Variants in HACD3 observed in about 807,000 individuals in gnomAD.
The protein encoded by HACD3 is 3-hydroxyacyl-CoA dehydratase 3, also known as very-long-chain (3R)-3-hydroxyacyl-CoA dehydratase 3.
A neutral mutation model predicts 55.2 loss-of-function variants in HACD3; 30 were observed. That is an observed-to-expected ratio of 0.54 (90% CI 0.41 to 0.74). The LOEUF (loss-of-function observed/expected upper bound fraction) is 0.74, where lower values mean the gene tolerates loss of function less well. Among genes scored for constraint, HACD3 ranks in the 30% least tolerant of loss-of-function variants. The pLI, the probability that HACD3 is intolerant of heterozygous loss-of-function variation, is 0.00. For synonymous variants in HACD3, 141 were observed against 151.7 expected (o/e 0.93, Z 0.52); for missense variants, 363 against 440.1 (o/e 0.82, Z 1.57).
intron 1 of HACD3, chr15:65,551,052 G>C (rs1399920545): frequency 6.6e-6 from 1 of 152,226 alleles, no homozygotes; most frequent in East Asian, 1.9e-4. Flanking sequence ...TAGAGACACA[G>C]GCACAGCGTG....
chr15:65,552,658 G>T (rs1410282823), intron 2 of HACD3, among the ~76,000 whole-genome samples: 14 of 148,184 alleles, frequency 9.4e-5, no homozygotes, highest in African/African-American at 2.7e-4. Context: ...TTTTGTTTTT[G>T]TTTTTTTTAA....
Position 65,556,881 on chromosome 15 carries a change from C to G in HACD3, c.347C>G (p.Ala116Gly), listed in dbSNP as rs755867233. The change falls in exon 4 of 11, where the codon GCG (alanine) becomes GGG (glycine). Residue 116 changes from alanine (A) to glycine (G), a missense_variant. By Grantham distance (60) the Ala-to-Gly change is moderately conservative. Coordinates refer to ENST00000261875, the MANE Select transcript of HACD3 (RefSeq NM_016395.4). ...GATCGTTGGCTGGATGAATCTGATG[C>G]GGAAATGGAGCTCAGAGCTAAGGTT... ...DFDRWLDESD[A>G]EMELRAKEEE... 2 of 1,612,434 alleles carry G rather than the reference C, an allele frequency of 1.2e-6. No individual in the cohort carries two copies. The highest frequency in any genetic ancestry group is 3.3e-5 in the Admixed American group (2 of 59,878).
chr15:65,576,025 C>T (rs1344672467), intron 10 of HACD3, among the ~76,000 whole-genome samples: 3 of 152,254 alleles, frequency 2.0e-5, no homozygotes, highest in East Asian at 1.9e-4. Flanking sequence ...ACCCAGGAGG[C>T]GGAGGTTGCA....
intron 4 of HACD3, among the ~76,000 whole-genome samples, 160 bp from the exon 5 acceptor site, chr15:65,558,520 C>T (rs1057328524): frequency 2.0e-5 from 3 of 152,128 alleles, no homozygotes; most frequent in African/African-American, 4.8e-5. Flanking sequence ...AGGAGTCAGG[C>T]GTTTGGCCCT....
intron 1 of HACD3, among the ~76,000 whole-genome samples, chr15:65,539,643 G>C (rs1213569850): frequency 6.6e-6 from 1 of 152,104 alleles, no homozygotes; most frequent in Non-Finnish European, 1.5e-5. Context: ...GCTTTTTAGA[G>C]AAGCTCTTAC....
At chr15:65,542,768 A>G (rs2072033450) in intron 1 of HACD3, among the ~76,000 whole-genome samples, 1 of 152,092 alleles carries the variant, frequency 6.6e-6, no homozygotes, top group African/African-American at 2.4e-5. Context: ...TACATATTCA[A>G]AGATAAAATT....
At chr15:65,533,352 T>G (rs866117687) in intron 1 of HACD3, among the ~76,000 whole-genome samples, 6 of 152,262 alleles carry the variant, frequency 3.9e-5, no homozygotes, top group Middle Eastern at 3.4e-3. Context: ...TATGGGAGTT[T>G]CGTGGTTGGG....
chr15:65,566,833 A>AT (rs773227471), intron 7 of HACD3: 1 of 152,160 alleles, frequency 6.6e-6, no homozygotes, highest in Non-Finnish European at 1.5e-5. Context: ...GGTCTTTTTC[A>AT]TTTTTTATAA....
chr15:65,537,160 C>T (rs996054697), intron 1 of HACD3, among the ~76,000 whole-genome samples: 2 of 152,134 alleles, frequency 1.3e-5, no homozygotes, highest in African/African-American at 4.8e-5. Flanking sequence ...TTGAAGCTAG[C>T]AGAAGTTGAT....
At position 65,570,266 on chromosome 15, in the gene HACD3, G is replaced by C. The variant is rs1047062937; in HGVS notation, c.773+63G>C. 8 of 1,205,824 alleles carry C rather than the reference G, an allele frequency of 6.6e-6. No homozygotes were observed. The African/African-American group carries it at 1.2e-4, about 18-fold the overall frequency. 74.7% of individuals were successfully genotyped at this position (1,205,824 alleles called of 1,614,324 possible). On this transcript the variant is annotated intron_variant, in intron 8 of 10. Coordinates refer to ENST00000261875, the MANE Select transcript of HACD3 (RefSeq NM_016395.4). ...CCCTGTTTGCAGCAGCTCTGTTCTT[G>C]AGGGAGTTGTTATCTTAGCCAGAGT...
At chr15:65,541,843 A>G (rs1267384253) in intron 1 of HACD3, among the ~76,000 whole-genome samples, 1 of 152,210 alleles carries the variant, frequency 6.6e-6, no homozygotes, top group African/African-American at 2.4e-5. Context: ...GGTCTTTATG[A>G]GCTGATAAGG....
chr15:65,578,340 A>ACAAT lies in HACD3; in HGVS notation c.*1965_*1968dup, dbSNP rs777450373. ...ATTGTGTATTTCTATTAAAACATTTACAATCAAAATTCTAATGACTGTGCT... is the reference window on the plus strand; with the variant it reads ...ATTGTGTATTTCTATTAAAACATTTACAATCAATCAAAATTCTAATGACTGTGCT... On this transcript the variant is annotated 3_prime_UTR_variant, in exon 11 of 11. Transcript: ENST00000261875. 2 of 152,226 alleles carry ACAAT rather than the reference A, an allele frequency of 1.3e-5. No homozygotes were observed. Among genetic ancestry groups the ACAAT allele is most frequent in the East Asian group, 1.9e-4 (1 of 5,198 alleles). The allele number at this position is 152,226 out of a possible 1,614,324, so 9.4% of individuals were successfully genotyped here.
intron 3 of HACD3, 87 bp from the exon 4 acceptor site, chr15:65,556,652 C>T (rs2072193361): frequency 7.6e-7 from 1 of 1,314,902 alleles, no homozygotes; most frequent in South Asian, 1.5e-5. Flanking sequence ...TAAATATATC[C>T]TGCAGCTTCT....
intron 5 of HACD3, among the ~76,000 whole-genome samples, chr15:65,561,206 C>T (rs1360652282): frequency 6.6e-6 from 1 of 152,096 alleles, no homozygotes; most frequent in African/African-American, 2.4e-5. Context: ...GTGGCTCATG[C>T]CTGTAATCCC....
chr15:65,531,364 A>T (rs1202177541), intron 1 of HACD3: 1 of 152,256 alleles, frequency 6.6e-6, no homozygotes, highest in East Asian at 1.9e-4. Flanking sequence ...TGAGTTGCAC[A>T]GAGAACTTAA....
At chr15:65,573,489 T>G (rs1354524442) in intron 10 of HACD3, among the ~76,000 whole-genome samples, 1 of 152,092 alleles carries the variant, frequency 6.6e-6, no homozygotes, top group Admixed American at 6.6e-5. Context: ...ATGCCTGTAA[T>G]TCCAGCTACT....
At chr15:65,556,694 A>G (rs749926923) in intron 3 of HACD3, 45 bp from the exon 4 acceptor site, 2 of 1,553,898 alleles carry the variant, frequency 1.3e-6, no homozygotes, top group South Asian at 1.2e-5. Flanking sequence ...GTGCTGCTTC[A>G]GGGAACAGAA....
In HACD3 at chr15:65,576,356, C is replaced by A; in HGVS notation, c.1066C>A (p.Gln356Lys). The A allele has an allele frequency of 6.3e-7, 1 of 1,599,622 alleles. No homozygotes were observed. The highest frequency in any genetic ancestry group is 1.1e-5 in the South Asian group (1 of 88,948). The change falls in exon 11 of 11, where the codon CAA becomes AAA. Residue 356 changes from glutamine (Q) to lysine (K), a missense_variant. Transcript: ENST00000261875. ...LYKQRRRRYG[Q>K]KKKKIH Reference sequence around the variant, plus strand: ...TAAACAGCGCAGACGGCGCTATGGACAAAAAAAGAAAAAGATCCACTAAAA... The same window carrying A: ...TAAACAGCGCAGACGGCGCTATGGAAAAAAAAAGAAAAAGATCCACTAAAA...
At chr15:65,551,087 A>G (rs1354239220) in intron 1 of HACD3, 2 of 152,172 alleles carry the variant, frequency 1.3e-5, no homozygotes, top group African/African-American at 2.4e-5. Flanking sequence ...ACCACCTGCA[A>G]TCCTCTGCCC....
Sources: allele counts gnomAD v4.1 joint callset (sites outside exome capture counted in the v4.1 genomes callset), GRCh38; gene constraint gnomAD v4.1.1; transcripts MANE v1.5; gene names NCBI Gene and HGNC (gene_info 2026-07-23, HGNC 2026-07-21).